Variants in LHX1 observed in about 807,000 individuals in gnomAD.
LHX1 encodes LIM homeobox 1.
Under a neutral mutation model 34.1 loss-of-function variants are expected in LHX1, and 9 were observed. The observed-to-expected ratio is 0.26, with a 90% CI of 0.16 to 0.46. The LOEUF (loss-of-function observed/expected upper bound fraction) is 0.46, where lower values mean the gene tolerates loss of function less well. LHX1 is among the 20% of genes least tolerant of loss of function. The pLI is 1.00. For missense variants in LHX1, 446 were observed against 559.1 expected, an observed-to-expected ratio of 0.80 and a Z score of 2.04; for synonymous variants, 254 against 241.5, an observed-to-expected ratio of 1.05 and a Z score of -0.48.
At chr17:36,937,069 A>G, upstream of LHX1, 2 of 322,536 alleles carry the variant, frequency 6.2e-6, no homozygotes, top group South Asian at 4.3e-5. Flanking sequence ...AGGAGGCTAG[A>G]AAGGAAACCC....
intron 1 of LHX1, 170 bp downstream of exon 1, chr17:36,938,537 C>T (rs2070744391): frequency 5.6e-6 from 4 of 712,522 alleles, no homozygotes; most frequent in Non-Finnish European, 1.0e-5. Context: ...GCTGGGAGCC[C>T]GGGACGCGGC....
chr17:36,943,193 A>AAT lies in LHX1; in HGVS notation c.*64_*65dup. The AAT allele has an allele frequency of 5.1e-5, 70 of 1,365,634 alleles. No individual in the cohort carries two copies. The highest frequency in any genetic ancestry group is 6.8e-5 in the Non-Finnish European group (70 of 1,035,984). 84.6% of individuals were successfully genotyped at this position (1,365,634 alleles called of 1,614,324 possible). On this transcript the variant is annotated 3_prime_UTR_variant, in exon 5 of 5. Transcript: ENST00000614239. ...CAGAAATGAACCTTTATTTAAGAAA[A>AAT]ATAGAAAAAAAAAAACATAAAAAGC... is the stretch of plus-strand genomic sequence containing the variant.
rs763352587 is a variant in LHX1, at chr17:36,942,858, A to C, written c.948A>C (p.Ser316=). Residue 316 remains serine, a synonymous_variant, in exon 5 of 5, where the codon TCA becomes TCC. Transcript: ENST00000614239. ...CAGTGGACCTACCCTTCGTGCCGTC[A>C]TCTGGGCCGTCCGGGACGCCCCTGG... ...QTPVDLPFVP[S]SGPSGTPLGG... 6.3e-7 allele frequency: 1 copy of C among 1,593,754 alleles called. No homozygotes were observed. The highest frequency in any genetic ancestry group is 1.1e-5 in the South Asian group (1 of 89,088).
At chr17:36,938,685 G>A in intron 1 of LHX1, 1 of 494,598 alleles carries the variant, frequency 2.0e-6, no homozygotes. Context: ...AGCCCGGACT[G>A]CTGTCTTTCC....
chr17:36,939,931 A>C, intron 1 of LHX1: 4 of 414,618 alleles, frequency 9.6e-6, no homozygotes, highest in South Asian at 3.4e-5. Context: ...CCCCCCGCCC[A>C]CACAGGTCAC....
chr17:36,938,158 C>CCT lies in LHX1; in HGVS notation c.-29_-28dup, dbSNP rs147798700. 28 of 1,589,624 alleles carry CCT rather than the reference C, an allele frequency of 1.8e-5. No individual in the cohort carries two copies. The highest frequency in any genetic ancestry group is 4.0e-5 in the African/African-American group (3 of 74,400). ...GTCATCCCCTGGGCTCTACTTTGCC[C>CCT]CTCTCTCTCTCTGGGCCTCATCAGA... On this transcript the variant is annotated 5_prime_UTR_variant, in exon 1 of 5. Transcript: ENST00000614239.
Position 36,942,393 on chromosome 17 carries a change from G to C in LHX1, c.841+28G>C, listed in dbSNP as rs748403266. The C allele has an allele frequency of 6.4e-6, 10 of 1,556,618 alleles. No homozygotes were observed. In the Middle Eastern group the frequency reaches 5.9e-4, roughly 92 times the overall value. ...GGGTGCGCGCCGAATGGCGGGGCGC[G>C]GCCAGGTCGGGGCGGGCTTCGTTGG... On this transcript the variant is annotated intron_variant, in intron 4 of 4. Transcript: ENST00000614239.
In LHX1 at chr17:36,943,208, A is replaced by AAC. The variant is rs1483381445; in HGVS notation, c.*77_*78insAC. The AAC allele has an allele frequency of 1.2e-5, 18 of 1,504,666 alleles. No homozygotes were observed. The highest frequency in any genetic ancestry group is 3.7e-4 in the Middle Eastern group (2 of 5,430). The allele number at this position is 1,504,666 out of a possible 1,614,324, so 93.2% of individuals were successfully genotyped here. A position where few individuals can be genotyped will look rare whatever the true frequency, so the allele number is the denominator to read the frequency against. Reference sequence around the variant, plus strand: ...ATTTAAGAAAAATAGAAAAAAAAAAACATAAAAAGCAAGTCCCCACCCCCT... The same window carrying AAC: ...ATTTAAGAAAAATAGAAAAAAAAAAAACCATAAAAAGCAAGTCCCCACCCCCT... On this transcript the variant is annotated 3_prime_UTR_variant, in exon 5 of 5. Transcript: ENST00000614239.
At chr17:36,937,313 G>A, upstream of LHX1, 1 of 410,782 alleles carries the variant, frequency 2.4e-6, no homozygotes, top group South Asian at 1.7e-5. Context: ...TGAGGACACG[G>A]AGGCCGCCAG....
intron 1 of LHX1, among the ~76,000 whole-genome samples, chr17:36,939,502 A>G (rs976487711): frequency 2.0e-5 from 3 of 152,196 alleles, no homozygotes; most frequent in African/African-American, 7.2e-5. Context: ...GCTCGCTGGT[A>G]TTTCGGGAGA....
At chr17:36,942,656 T>C (rs2070773445) in intron 4 of LHX1, 96 bp from the exon 5 acceptor site, 3 of 1,327,254 alleles carry the variant, frequency 2.3e-6, no homozygotes, top group Non-Finnish European at 3.0e-6. Flanking sequence ...CCGCGCGGCC[T>C]TCCTCAGCCC....
In LHX1 at chr17:36,937,608, T is replaced by G; in HGVS notation, c.-590T>G. 3.0e-6 allele frequency: 1 copy of G among 330,130 alleles called. No homozygotes were observed. Among genetic ancestry groups the G allele is most frequent in the Non-Finnish European group, 5.9e-6 (1 of 168,232 alleles). The allele number at this position is 330,130 out of a possible 1,614,324, so 20.5% of individuals were successfully genotyped here. ...TGCCGGCAGTTTAGGATCCAAAGCT[T>G]CTCTGCTCCTTTTGTTCTTTCCTTC... On this transcript the variant is annotated 5_prime_UTR_variant, in exon 1 of 5. Coordinates refer to ENST00000614239, the MANE Select transcript of LHX1 (RefSeq NM_005568.5).
intron 1 of LHX1, chr17:36,939,964 G>T (rs1365887979): frequency 3.8e-6 from 2 of 521,596 alleles, no homozygotes; most frequent in Non-Finnish European, 6.9e-6. Context: ...TTCTTTAGAC[G>T]ATGCATCTTT....
At chr17:36,938,949 A>G (rs1486275873) in intron 1 of LHX1, 1 of 225,304 alleles carries the variant, frequency 4.4e-6, no homozygotes, top group Non-Finnish European at 9.0e-6. Flanking sequence ...GCAGACCTGG[A>G]CAAACTGCTG....
Position 36,942,268 on chromosome 17 carries a change from C to T in LHX1, c.744C>T (p.Arg248=). 6.3e-7 allele frequency: 1 copy of T among 1,599,482 alleles called. No homozygotes were observed. Among genetic ancestry groups the T allele is most frequent in the Non-Finnish European group, 8.5e-7 (1 of 1,174,876 alleles). ...AGCTGAGCGCCCTGGGCGCCCGGCG[C>T]CACGCCTTCTTCCGCAGTCCGCGCC... ...MKQLSALGAR[R]HAFFRSPRRM... is the part of the protein sequence containing the mutation. The change falls in exon 4 of 5, where the codon CGC becomes CGT. Residue 248 remains arginine (R), a synonymous_variant. Transcript: ENST00000614239.
In LHX1 at chr17:36,940,446, G is replaced by T; in HGVS notation, c.327G>T (p.Glu109Asp). 1 of 1,614,152 alleles carries T rather than the reference G, an allele frequency of 6.2e-7. No homozygotes were observed. The highest frequency in any genetic ancestry group is 8.5e-7 in the Non-Finnish European group (1 of 1,180,046). ...STGEELYIIDENKFVCKEDYL... is the reference protein window; with the variant it reads ...STGEELYIIDDNKFVCKEDYL... ...GCGAGGAACTCTACATCATCGACGA[G>T]AATAAGTTCGTCTGCAAAGAGGATT... The change falls in exon 2 of 5, where the codon GAG becomes GAT. Residue 109 changes from glutamate (E) to aspartate (D), a missense_variant. Glu to Asp is a conservative substitution (Grantham distance 45). This residue lies in a region of LHX1 where 168 missense variants were observed against 226.6 expected (regional missense o/e 0.74). Transcript: ENST00000614239.
chr17:36,936,944 G>T, upstream of LHX1: 1 of 233,412 alleles, frequency 4.3e-6, no homozygotes. Context: ...AGCCGTTCCA[G>T]CCGCCGGCCT....
rs767163816 is a variant in LHX1 at position 36,942,344 on chromosome 17, G to A, written c.820G>A (p.Gly274Ser). Reference protein sequence around the residue: ...RLEPGELIPNGPFSFYGDYQS... With the variant: ...RLEPGELIPNSPFSFYGDYQS... The stretch of plus-strand genomic sequence containing the variant: ...GGAGCCGGGCGAGCTCATCCCCAAT[G>A]GTCCCTTCTCCTTCTACGGAGGTGG... The change falls in exon 4 of 5, where the codon GGT becomes AGT. Residue 274 changes from glycine to serine, a missense_variant. Around this residue, in one of 3 missense-constraint regions of LHX1, gnomAD observed 235 missense variants for 224.4 expected, o/e 1.05. Transcript: ENST00000614239. 1 of 1,588,608 alleles carries A rather than the reference G, an allele frequency of 6.3e-7. No individual in the cohort carries two copies. Among genetic ancestry groups the A allele is most frequent in the Non-Finnish European group, 8.6e-7 (1 of 1,168,472 alleles).
chr17:36,941,101 G>C (rs1054111773), intron 3 of LHX1: 18 of 798,704 alleles, frequency 2.3e-5, no homozygotes, highest in Middle Eastern at 2.2e-4. Context: ...AGAGGTGATC[G>C]TGGCAGTGGA....
Sources: allele counts gnomAD v4.1 joint callset (sites outside exome capture counted in the v4.1 genomes callset), GRCh38; gene constraint gnomAD v4.1.1; regional missense constraint gnomAD v4.1.1; transcripts MANE v1.5; gene names NCBI Gene and HGNC (gene_info 2026-07-23, HGNC 2026-07-21).